OXCT1: variants seen among roughly 807,000 people sequenced by gnomAD.
The protein encoded by OXCT1 is 3-oxoacid CoA-transferase 1, also known as succinyl-CoA:3-ketoacid coenzyme A transferase 1, mitochondrial.
Under a neutral mutation model 69.6 loss-of-function variants are expected in OXCT1, and 27 were observed. The ratio of observed to expected loss-of-function variants is 0.39; its 90% confidence interval spans 0.29 to 0.54. OXCT1 has a LOEUF of 0.54. Ranked by LOEUF, OXCT1 falls within the 20% of genes least tolerant of loss-of-function variation. The probability of loss-of-function intolerance (pLI) is 0.72; values close to 1 mark genes in which losing one functional copy is unlikely to be tolerated. For missense variants in OXCT1, 437 were observed against 650.2 expected (o/e 0.67, Z 3.57); for synonymous variants, 202 against 217.8 (o/e 0.93, Z 0.64).
At chr5:41,783,361 A>G (rs1745501559) in intron 13 of OXCT1, among the ~76,000 whole-genome samples, 1 of 152,214 alleles carries the variant, frequency 6.6e-6, no homozygotes, top group Non-Finnish European at 1.5e-5. Context: ...ATTAGCCTTT[A>G]GCTGCAGGGT....
intron 16 of OXCT1, among the ~76,000 whole-genome samples, chr5:41,732,316 T>G (rs1183683393): frequency 6.6e-6 from 1 of 152,224 alleles, no homozygotes; most frequent in African/African-American, 2.4e-5. Flanking sequence ...ATAAGAGGAT[T>G]CCAAGTTATT....
At chr5:41,737,443 C>CAA (rs144312893) in intron 16 of OXCT1, among the ~76,000 whole-genome samples, 15 of 150,786 alleles carry the variant, frequency 9.9e-5, no homozygotes, top group Non-Finnish European at 2.2e-4. Context: ...TCTTTTGCTG[C>CAA]AAAAAAAAAC....
intron 13 of OXCT1, among the ~76,000 whole-genome samples, chr5:41,780,810 A>C (rs925288872): frequency 6.6e-6 from 1 of 152,210 alleles, no homozygotes; most frequent in Admixed American, 6.5e-5. Context: ...GTTCCTGGAC[A>C]GGATGACTTA....
At chr5:41,849,396 T>A (rs1260546700) in intron 5 of OXCT1, among the ~76,000 whole-genome samples, 1 of 152,218 alleles carries the variant, frequency 6.6e-6, no homozygotes, top group Non-Finnish European at 1.5e-5. Context: ...GCCAGTGTAA[T>A]TTTTGAAATT....
At chr5:41,739,592 G>T in intron 15 of OXCT1, 101 bp from the exon 16 acceptor site, 1 of 878,060 alleles carries the variant, frequency 1.1e-6, no homozygotes. Context: ...GAGGTCGGGT[G>T]TGGTGGCTCA....
At chr5:41,801,178 C>T (rs540333866) in intron 10 of OXCT1, 108 bp from the exon 11 acceptor site, 10 of 886,986 alleles carry the variant, frequency 1.1e-5, no homozygotes, top group Admixed American at 5.7e-5. Flanking sequence ...ATTTATCATC[C>T]GAAGACTTGA....
chr5:41,746,598 C>G (rs1467974910), intron 15 of OXCT1, among the ~76,000 whole-genome samples: 2 of 152,112 alleles, frequency 1.3e-5, no homozygotes, highest in Non-Finnish European at 2.9e-5. Flanking sequence ...TTTACTCATT[C>G]TTGCTATACA....
intron 5 of OXCT1, among the ~76,000 whole-genome samples, chr5:41,845,892 A>G (rs938308112): frequency 6.6e-6 from 1 of 152,060 alleles, no homozygotes; most frequent in Non-Finnish European, 1.5e-5. Flanking sequence ...TAAAAAACAC[A>G]TTTTTTATCT....
intron 15 of OXCT1, 45 bp from the exon 16 acceptor site, chr5:41,739,536 A>G (rs764698655): frequency 3.0e-6 from 4 of 1,351,988 alleles, no homozygotes; most frequent in African/African-American, 2.9e-5. Flanking sequence ...TTCCATCAAA[A>G]TAATTATTAT....
rs372870323 is a variant in OXCT1, at chr5:41,834,050, CTTAT to C, written c.732+6397_732+6400del. ...AGAGTTTGTATTAGTTTTCTTTTTGCTTATTTGTTTATGCAATTAGTGTTAAGTT... is the reference window on the plus strand; with the variant it reads ...AGAGTTTGTATTAGTTTTCTTTTTGCTTGTTTATGCAATTAGTGTTAAGTT... On this transcript the variant is annotated intron_variant, in intron 7 of 16. Transcript: ENST00000196371. 1.6e-4 allele frequency among the ~76,000 whole-genome samples: 24 copies of C among 151,450 alleles called. No individual in the cohort carries two copies. In the East Asian group the frequency reaches 4.7e-3, roughly 29 times the overall value.
intron 8 of OXCT1, among the ~76,000 whole-genome samples, chr5:41,806,486 G>A (rs570960347): frequency 6.6e-5 from 10 of 152,210 alleles, no homozygotes; most frequent in African/African-American, 2.4e-4. Context: ...TGGAGATGCG[G>A]CCTAGTGGGA....
chr5:41,747,778 A>T (rs1215028953), intron 15 of OXCT1, among the ~76,000 whole-genome samples: 1 of 152,092 alleles, frequency 6.6e-6, no homozygotes, highest in Admixed American at 6.6e-5. Context: ...GAGAAAAGGT[A>T]CATACTGTGA....
chr5:41,805,145 AAAGG>A (rs1217666095), intron 9 of OXCT1, among the ~76,000 whole-genome samples: 1 of 152,038 alleles, frequency 6.6e-6, no homozygotes, highest in Non-Finnish European at 1.5e-5. Flanking sequence ...CAAGAGAATA[AAAGG>A]GTTGTTAAGA....
intron 3 of OXCT1, among the ~76,000 whole-genome samples, chr5:41,859,878 TATATATATGTA>T (rs1749643064): frequency 8.3e-6 from 1 of 120,436 alleles, no homozygotes; most frequent in Non-Finnish European, 1.9e-5. Context: ...TATATATATA[TATATATATGTA>T]ATATATATAT....
chr5:41,868,785 G>A (rs1750133021), intron 1 of OXCT1, among the ~76,000 whole-genome samples: 1 of 152,104 alleles, frequency 6.6e-6, no homozygotes, highest in Non-Finnish European at 1.5e-5. Context: ...GAAGGCAGGA[G>A]TTAGACCTAT....
chr5:41,870,394 G>A lies in OXCT1; in HGVS notation c.-36C>T, dbSNP rs1223150222. ...TGAGGCAGGAGGAGGCTGCGGGTTG[G>A]AGCGCGCGTTTGAGCGTCGGTGCGC... On this transcript the variant is annotated 5_prime_UTR_variant, in exon 1 of 17. Transcript: ENST00000196371. This position sits in a 1 kb window ranked among gnomAD's most constrained non-coding sequence, Gnocchi z 4.2. 2.6e-6 allele frequency: 4 copies of A among 1,559,986 alleles called. No homozygotes were observed. Among genetic ancestry groups the A allele is most frequent in the Non-Finnish European group, 3.5e-6 (4 of 1,135,126 alleles).
chr5:41,825,878 A>C (rs1747783579), intron 7 of OXCT1, among the ~76,000 whole-genome samples: 1 of 152,234 alleles, frequency 6.6e-6, no homozygotes. Flanking sequence ...TAAAAAAGTC[A>C]CAGTGGTTAT....
At chr5:41,835,166 CAA>C (rs1748290349) in intron 7 of OXCT1, among the ~76,000 whole-genome samples, 1 of 152,080 alleles carries the variant, frequency 6.6e-6, no homozygotes, top group South Asian at 2.1e-4. Context: ...ATAAGAAATT[CAA>C]AGAGTCGTTA....
rs112862465 is a variant in OXCT1 at position 41,785,791 on chromosome 5, G to C, written c.1248+8212C>G. ...ACAGTATAGGAATAGCAAAGGTTTTGTATGAAGGATTTATTTCATGAAAAG... is the reference window on the plus strand; with the variant it reads ...ACAGTATAGGAATAGCAAAGGTTTTCTATGAAGGATTTATTTCATGAAAAG... On this transcript the variant is annotated intron_variant, in intron 13 of 16. Transcript: ENST00000196371. 2.6e-5 allele frequency among the ~76,000 whole-genome samples: 4 copies of C among 152,304 alleles called. 1 individual carries two copies. The highest frequency in any genetic ancestry group is 9.6e-5 in the African/African-American group (4 of 41,568).
Sources: gnomAD v4.1 joint callset for allele counts (sites outside exome capture counted in the v4.1 genomes callset) on GRCh38, gnomAD v4.1.1 for gene constraint, Gnocchi (gnomAD v3.1) non-coding constraint, MANE v1.5 for transcripts, NCBI Gene and HGNC (gene_info 2026-07-23, HGNC 2026-07-21) for gene names.